Variants in HPSE2 observed in about 807,000 individuals in gnomAD.
HPSE2 encodes inactive heparanase-2.
HPSE2 carries 38 observed loss-of-function variants against 60.5 expected under a neutral mutation model. That is an observed-to-expected ratio of 0.63 (90% CI 0.48 to 0.82). The LOEUF (loss-of-function observed/expected upper bound fraction) is 0.82, where lower values mean the gene tolerates loss of function less well. HPSE2 is among the 40% of genes least tolerant of loss of function. HPSE2 has a pLI of 0.00. For missense variants in HPSE2, 713 were observed against 740.4 expected (o/e 0.96, Z 0.43); for synonymous variants, 295 against 293.2 (o/e 1.01, Z -0.06).
At chr10:98,684,431 TAATA>T (rs200248696) in intron 6 of HPSE2, among the ~76,000 whole-genome samples, 6,917 of 152,184 alleles carry the variant, frequency 0.045, 240 homozygotes, top group East Asian at 0.12. Flanking sequence ...TAGAGATAGT[TAATA>T]AATAACTCCA....
intron 10 of HPSE2, 105 bp downstream of exon 10, chr10:98,489,946 G>A (rs1448826263): frequency 2.1e-6 from 3 of 1,416,104 alleles, no homozygotes; most frequent in African/African-American, 2.8e-5. Flanking sequence ...GAGGCAAAAA[G>A]TTTTTGATAA....
intron 2 of HPSE2, among the ~76,000 whole-genome samples, chr10:99,224,743 T>G (rs984678991): frequency 6.6e-6 from 1 of 152,066 alleles, no homozygotes; most frequent in African/African-American, 2.4e-5. Flanking sequence ...AAATAATAAT[T>G]TGGTATTGGC....
At chr10:98,504,052 G>T (rs1323317057) in intron 9 of HPSE2, among the ~76,000 whole-genome samples, 1 of 152,100 alleles carries the variant, frequency 6.6e-6, no homozygotes, top group Non-Finnish European at 1.5e-5. Context: ...TTGGATTAAG[G>T]TAGAATACGA....
chr10:98,538,106 T>C (rs912148877), intron 9 of HPSE2, among the ~76,000 whole-genome samples: 4 of 152,228 alleles, frequency 2.6e-5, no homozygotes, highest in Admixed American at 2.0e-4. Context: ...CTTCTTACCC[T>C]GCCCCCTTGT....
intron 2 of HPSE2, among the ~76,000 whole-genome samples, chr10:99,217,316 A>G (rs1849162870): frequency 6.6e-6 from 1 of 150,996 alleles, no homozygotes; most frequent in African/African-American, 2.4e-5. Context: ...TTCTTACTAG[A>G]TCCACTGGCG....
At chr10:99,202,442 G>A (rs927707780) in intron 2 of HPSE2, among the ~76,000 whole-genome samples, 3 of 152,154 alleles carry the variant, frequency 2.0e-5, no homozygotes, top group South Asian at 2.1e-4. Flanking sequence ...TGTTGAAGAC[G>A]ACAGATTTTA....
intron 3 of HPSE2, among the ~76,000 whole-genome samples, chr10:98,982,794 C>T (rs11189915): frequency 0.46 from 70,315 of 151,992 alleles, 18,401 homozygotes; most frequent in Non-Finnish European, 0.6. Context: ...TAGTTATTTA[C>T]CTCTAATAAA....
At chr10:99,089,425 AGG>A (rs1167508476) in intron 3 of HPSE2, among the ~76,000 whole-genome samples, 1 of 152,200 alleles carries the variant, frequency 6.6e-6, no homozygotes, top group Non-Finnish European at 1.5e-5. Flanking sequence ...TTTGTTGAAC[AGG>A]GTGTCCTATC....
chr10:98,855,045 A>T (rs926561510), intron 3 of HPSE2, among the ~76,000 whole-genome samples: 3 of 152,140 alleles, frequency 2.0e-5, no homozygotes, highest in African/African-American at 7.2e-5. Context: ...AGAGAAAGTT[A>T]AAAAATCTCA....
At chr10:98,981,394 A>G (rs1956202153) in intron 3 of HPSE2, among the ~76,000 whole-genome samples, 1 of 152,100 alleles carries the variant, frequency 6.6e-6, no homozygotes, top group South Asian at 2.1e-4. Flanking sequence ...CTCTGGCTCT[A>G]CCAAGTGCAC....
chr10:98,609,568 G>A (rs1233459506), intron 9 of HPSE2, among the ~76,000 whole-genome samples: 1 of 152,144 alleles, frequency 6.6e-6, no homozygotes, highest in Non-Finnish European at 1.5e-5. Context: ...ACATTTAGAT[G>A]TAGTCCCCTT....
intron 9 of HPSE2, among the ~76,000 whole-genome samples, chr10:98,545,490 C>T (rs1943637625): frequency 6.6e-6 from 1 of 152,164 alleles, no homozygotes. Flanking sequence ...GGATGGAAGG[C>T]TGGTTCAACA....
At chr10:98,678,364 G>A (rs1283514176) in intron 6 of HPSE2, among the ~76,000 whole-genome samples, 1 of 152,172 alleles carries the variant, frequency 6.6e-6, no homozygotes, top group Non-Finnish European at 1.5e-5. Context: ...ATCTTCTATG[G>A]TACTGGTGCT....
In HPSE2 at chr10:99,139,802, ACT is replaced by A. The variant is rs200374711; in HGVS notation, c.610+4434_610+4435del. On this transcript the variant is annotated intron_variant, in intron 3 of 11. Transcript: ENST00000370552. ...AGACAAGGAACCATCTACTTCATTTACTTTCTGCTTTGTAGGAAAATACATTT... is the reference window on the plus strand; with the variant it reads ...AGACAAGGAACCATCTACTTCATTTATTCTGCTTTGTAGGAAAATACATTT... Among the ~76,000 whole-genome samples, 1,386 of 152,296 alleles carry A rather than the reference ACT, an allele frequency of 9.1e-3. 16 individuals are homozygous for A. Among genetic ancestry groups the A allele is most frequent in the African/African-American group, 0.031 (1,293 of 41,560 alleles).
intron 4 of HPSE2, among the ~76,000 whole-genome samples, chr10:98,731,574 C>T (rs1441609738): frequency 6.6e-6 from 1 of 152,166 alleles, no homozygotes; most frequent in Non-Finnish European, 1.5e-5. Flanking sequence ...CAAAATGCAA[C>T]ACCCATTCCT....
intron 3 of HPSE2, among the ~76,000 whole-genome samples, chr10:98,802,745 A>G (rs1950945132): frequency 6.8e-6 from 1 of 146,180 alleles, no homozygotes; most frequent in Non-Finnish European, 1.5e-5. Context: ...GTTGGTTCCA[A>G]GTCTTTGCTA....
At chr10:98,489,817 G>T (rs954903428) in intron 10 of HPSE2, among the ~76,000 whole-genome samples, 3 of 152,246 alleles carry the variant, frequency 2.0e-5, no homozygotes, top group African/African-American at 7.2e-5. Flanking sequence ...CAAATGGCAA[G>T]AATTTTAGGA....
chr10:99,039,678 C>G (rs1564757346), intron 3 of HPSE2, among the ~76,000 whole-genome samples: 1 of 151,932 alleles, frequency 6.6e-6, no homozygotes, highest in Non-Finnish European at 1.5e-5. Flanking sequence ...TCGGTGTAAT[C>G]ATAGAAAGTC....
At chr10:98,819,226 CT>C (rs5787310) in intron 3 of HPSE2, among the ~76,000 whole-genome samples, 112,674 of 151,884 alleles carry the variant, frequency 0.74, 42,670 homozygotes, top group Non-Finnish European at 0.83. Flanking sequence ...GGTGCAACCC[CT>C]GTCATGATCA....
Sources: gnomAD v4.1 joint callset for allele counts (sites outside exome capture counted in the v4.1 genomes callset) on GRCh38, gnomAD v4.1.1 for gene constraint, MANE v1.5 for transcripts, NCBI Gene and HGNC (gene_info 2026-07-23, HGNC 2026-07-21) for gene names.